The following ACSM2A variants were observed in gnomAD, a reference collection of about 807,000 sequenced individuals.
ACSM2A encodes acyl-CoA synthetase medium chain family member 2A.
In ACSM2A, 72 loss-of-function variants were observed where a neutral mutation model predicts 76.6. That is an observed-to-expected ratio of 0.94 (90% CI 0.78 to 1.14). The LOEUF (loss-of-function observed/expected upper bound fraction) is 1.14. Ranked by LOEUF, ACSM2A falls within the 50% of genes most tolerant of loss-of-function variation. The pLI, the probability that ACSM2A is intolerant of heterozygous loss-of-function variation, is 0.00. For synonymous variants in ACSM2A, 249 were observed against 255.9 expected, an observed-to-expected ratio of 0.97 and a Z score of 0.26; for missense variants, 684 against 708.5, an observed-to-expected ratio of 0.97 and a Z score of 0.39.
At position 20,487,172 on chromosome 16, in the gene ACSM2A, G is replaced by GA. The variant is rs1164080811; in HGVS notation, c.*501dup. On this transcript the variant is annotated 3_prime_UTR_variant, in exon 14 of 14. Coordinates refer to ENST00000573854, the MANE Select transcript of ACSM2A (RefSeq NM_001308172.2). ...GGAGAAAGAGAGGGAGAAAGGGAGA[G>GA]AAAAAAATTGTAAAAATAAAAATAG... 1 of 144,686 alleles carries GA rather than the reference G, an allele frequency of 6.9e-6. No individual in the cohort carries two copies. Among genetic ancestry groups the GA allele is most frequent in the Admixed American group, 6.9e-5 (1 of 14,442 alleles). The allele number at this position is 144,686 out of a possible 1,614,324, so 9.0% of individuals were successfully genotyped here.
At chr16:20,463,057 G>A (rs1471021371) in intron 2 of ACSM2A, among the ~76,000 whole-genome samples, 4 of 122,622 alleles carry the variant, frequency 3.3e-5, no homozygotes, top group Admixed American at 1.0e-4. Context: ...ACAGGAAGGG[G>A]AACATCACAC....
At chr16:20,481,045 A>C in intron 12 of ACSM2A, 124 bp downstream of exon 12, 1 of 1,216,482 alleles carries the variant, frequency 8.2e-7, no homozygotes, top group Non-Finnish European at 1.1e-6. Context: ...CCTGCCACTT[A>C]CTAGCTATGT....
At chr16:20,471,490 A>G (rs758268321) in intron 5 of ACSM2A, 46 bp from the exon 6 acceptor site, 5 of 1,579,146 alleles carry the variant, frequency 3.2e-6, no homozygotes, top group Non-Finnish European at 3.5e-6. Flanking sequence ...ACGCATCCTA[A>G]GCATGCACCC....
intron 1 of ACSM2A, among the ~76,000 whole-genome samples, chr16:20,452,941 A>C (rs1371163093): frequency 6.6e-6 from 1 of 152,124 alleles, no homozygotes; most frequent in Non-Finnish European, 1.5e-5. Flanking sequence ...TGGAGAACCA[A>C]GGAACATAAT....
chr16:20,471,315 C>A, intron 5 of ACSM2A, 99 bp downstream of exon 5: 1 of 1,530,810 alleles, frequency 6.5e-7, no homozygotes, highest in Non-Finnish European at 8.8e-7. Flanking sequence ...AACCGGGGTC[C>A]CACCTTCTGA....
intron 2 of ACSM2A, among the ~76,000 whole-genome samples, chr16:20,460,797 T>A (rs2012576532): frequency 7.6e-6 from 1 of 131,328 alleles, no homozygotes; most frequent in Non-Finnish European, 1.6e-5. Flanking sequence ...TGCAGTGAAC[T>A]GTGATCACAC....
intron 4 of ACSM2A, 70 bp downstream of exon 4, chr16:20,469,789 G>A (rs2013265647): frequency 1.2e-6 from 2 of 1,600,240 alleles, no homozygotes; most frequent in East Asian, 2.3e-5. Context: ...TTAGGTGCAG[G>A]TGCTTTATTG....
intron 13 of ACSM2A, among the ~76,000 whole-genome samples, chr16:20,484,942 C>T (rs1328807391): frequency 1.3e-5 from 2 of 152,086 alleles, no homozygotes; most frequent in Non-Finnish European, 2.9e-5. Context: ...GGACTTGCAG[C>T]CTCTGAGAAT....
At chr16:20,473,562 T>G (rs1263759881) in intron 6 of ACSM2A, among the ~76,000 whole-genome samples, 1 of 152,182 alleles carries the variant, frequency 6.6e-6, no homozygotes, top group African/African-American at 2.4e-5. Flanking sequence ...GATACTCACA[T>G]TTGTCATTTT....
intron 9 of ACSM2A, among the ~76,000 whole-genome samples, chr16:20,478,127 T>C (rs969985816): frequency 5.9e-5 from 9 of 152,240 alleles, no homozygotes; most frequent in Admixed American, 1.3e-4. Context: ...TAGTATCTTA[T>C]TTCATTCCTA....
rs145878643 is a variant in ACSM2A at position 20,469,705 on chromosome 16, C to G, written c.582C>G (p.Phe194Leu). The part of the protein sequence containing the change: ...SEKSCDGWLN[F>L]KKLLNEASTT... The stretch of plus-strand genomic sequence containing the variant: ...AAAGCTGTGATGGGTGGCTGAACTT[C>G]AAGAAACTACTAAAGTGAGTATCTA... The change falls in exon 4 of 14, where the codon TTC (phenylalanine) becomes TTG (leucine). Residue 194 changes from phenylalanine to leucine, a missense_variant. Physicochemically the swap from Phe to Leu is conservative, Grantham distance 22. Transcript: ENST00000573854. The G allele has an allele frequency of 1.4e-5, 23 of 1,613,598 alleles. No homozygotes were observed. In the African/African-American group the frequency reaches 2.3e-4, roughly 16 times the overall value.
At chr16:20,457,918 T>G (rs1745166420) in intron 1 of ACSM2A, among the ~76,000 whole-genome samples, 1 of 151,988 alleles carries the variant, frequency 6.6e-6, no homozygotes, top group Admixed American at 6.6e-5. Context: ...TAGAAGACCT[T>G]AAAGACTCCT....
chr16:20,471,590 G>A lies in ACSM2A; in HGVS notation c.795G>A (p.Trp265Ter). ...TGTGGACCATATCAGACACAGGTTGGATACTGAACATCTTGTGCTCACTTA... is the reference window on the plus strand; with the variant it reads ...TGTGGACCATATCAGACACAGGTTGAATACTGAACATCTTGTGCTCACTTA... ...DIMWTISDTG[W>*]ILNILCSLME... Residue 265 changes from tryptophan to a stop codon, truncating the protein, a stop_gained, in exon 6 of 14, where the codon TGG (tryptophan) becomes TGA (stop). Coordinates refer to ENST00000573854, the MANE Select transcript of ACSM2A (RefSeq NM_001308172.2). LOFTEE classifies it high-confidence loss of function. 1 of 1,614,026 alleles carries A rather than the reference G, an allele frequency of 6.2e-7. No homozygotes were observed. The highest frequency in any genetic ancestry group is 8.5e-7 in the Non-Finnish European group (1 of 1,179,936).
At position 20,453,527 on chromosome 16, in the gene ACSM2A, C is replaced by G. The variant is rs963841343; in HGVS notation, c.-9+1846C>G. 1.0e-4 allele frequency: 14 copies of G among 134,440 alleles called. 1 individual carries two copies. Among genetic ancestry groups the G allele is most frequent in the Admixed American group, 6.6e-4 (9 of 13,706 alleles). The allele number at this position is 134,440 out of a possible 1,614,324, so 8.3% of individuals were successfully genotyped here. A position where few individuals can be genotyped will look rare whatever the true frequency, so the allele number is the denominator to read the frequency against. Reference sequence around the variant, plus strand: ...AATTCACCTCAGGACTACTATTGCACAAATGGATTGTAAAACATGTGTGTT... The same window carrying G: ...AATTCACCTCAGGACTACTATTGCAGAAATGGATTGTAAAACATGTGTGTT... On this transcript the variant is annotated intron_variant, in intron 1 of 13. Transcript: ENST00000573854.
intron 13 of ACSM2A, among the ~76,000 whole-genome samples, chr16:20,483,521 G>A (rs867521600): frequency 1.6e-5 from 2 of 122,710 alleles, no homozygotes; most frequent in Middle Eastern, 6.7e-3. Flanking sequence ...AGTGAGCCGA[G>A]ATTGTGCCAC....
At chr16:20,472,639 G>A (rs4603548) in intron 6 of ACSM2A, among the ~76,000 whole-genome samples, 55,618 of 151,372 alleles carry the variant, frequency 0.37, 11,617 homozygotes, top group East Asian at 0.79. Context: ...TTCTCTGACA[G>A]CATCTGCCCC....
intron 2 of ACSM2A, among the ~76,000 whole-genome samples, chr16:20,465,073 T>G (rs968692474): frequency 6.6e-6 from 1 of 152,210 alleles, no homozygotes; most frequent in Non-Finnish European, 1.5e-5. Context: ...AAGGTACATG[T>G]TGGTACTCAC....
intron 3 of ACSM2A, among the ~76,000 whole-genome samples, chr16:20,467,712 A>G (rs1016041700): frequency 1.1e-4 from 17 of 152,310 alleles, no homozygotes; most frequent in African/African-American, 3.4e-4. Context: ...GGAAAATATC[A>G]CAAGTTCAAT....
intron 3 of ACSM2A, among the ~76,000 whole-genome samples, chr16:20,467,301 T>C (rs1321408221): frequency 6.6e-6 from 1 of 152,042 alleles, no homozygotes; most frequent in East Asian, 1.9e-4. Flanking sequence ...TGTGGACATT[T>C]ATCCAGTGGT....
Sources: allele counts gnomAD v4.1 joint callset (sites outside exome capture counted in the v4.1 genomes callset), GRCh38; gene constraint gnomAD v4.1.1; transcripts MANE v1.5; gene names NCBI Gene and HGNC (gene_info 2026-07-23, HGNC 2026-07-21).